Variants in MEP1A observed in about 807,000 individuals in gnomAD.
MEP1A encodes the protein N-benzoyl-L-tyrosyl-P-amino-benzoic acid hydrolase subunit alpha.
MEP1A carries 68 observed loss-of-function variants against 84.5 expected under a neutral mutation model. That is an observed-to-expected ratio of 0.80 (90% CI 0.66 to 0.98). MEP1A has a LOEUF of 0.98. Ranked by LOEUF, MEP1A falls within the 50% of genes least tolerant of loss-of-function variation. The pLI is 0.00. For synonymous variants in MEP1A, 337 were observed against 336.8 expected (o/e 1.00, Z -0.01); for missense variants, 887 against 919.9 (o/e 0.96, Z 0.46).
intron 6 of MEP1A, among the ~76,000 whole-genome samples, chr6:46,813,031 G>C (rs1398088899): frequency 6.6e-6 from 1 of 152,020 alleles, no homozygotes; most frequent in Non-Finnish European, 1.5e-5. Flanking sequence ...TTGACTTTCT[G>C]TCTTGATGAC....
Position 46,834,607 on chromosome 6 carries a change from C to G in MEP1A, c.1639C>G (p.Pro547Ala). The change falls in exon 12 of 14, where the codon CCG becomes GCG. Residue 547 changes from proline to alanine, a missense_variant. Coordinates refer to ENST00000230588, the MANE Select transcript of MEP1A (RefSeq NM_005588.3). The stretch of plus-strand genomic sequence containing the variant: ...AAATGACACTGTCATCTGGGACAGG[C>G]CGTCCAGGGTGGGAACCTATCATAC... ...AINDTVIWDR[P>A]SRVGTYHTDC... is the part of the protein sequence containing the mutation. 1.2e-6 allele frequency: 2 copies of G among 1,609,862 alleles called. No individual in the cohort carries two copies. Among genetic ancestry groups the G allele is most frequent in the Non-Finnish European group, 1.7e-6 (2 of 1,178,684 alleles).
chr6:46,814,251 T>G (rs956284425), intron 6 of MEP1A, among the ~76,000 whole-genome samples: 1 of 152,084 alleles, frequency 6.6e-6, no homozygotes, highest in South Asian at 2.1e-4. Flanking sequence ...TTAAAAAATT[T>G]TTTTGTTTGT....
chr6:46,835,423 G>T lies in MEP1A; in HGVS notation c.1958G>T (p.Arg653Leu), dbSNP rs369077709. The T allele has an allele frequency of 2.5e-6, 4 of 1,611,792 alleles. No homozygotes were observed. The African/African-American group carries it at 4.0e-5, about 16-fold the overall frequency. Residue 653 changes from arginine (R) to leucine (L), a missense_variant, in exon 13 of 14, where the codon CGG becomes CTG. Transcript: ENST00000230588. Reference sequence around the variant, plus strand: ...CAGGGGCAGCCCAGCCGACAGAAGCGGTCGGTGGAGAACACAGGCCCCCTG... The same window carrying T: ...CAGGGGCAGCCCAGCCGACAGAAGCTGTCGGTGGAGAACACAGGCCCCCTG... ...LSQGQPSRQK[R>L]SVENTGPLED... is the part of the protein sequence containing the mutation.
At chr6:46,815,002 GC>G (rs1767600556) in intron 6 of MEP1A, among the ~76,000 whole-genome samples, 1 of 152,194 alleles carries the variant, frequency 6.6e-6, no homozygotes, top group East Asian at 1.9e-4. Flanking sequence ...TGTTTAGTGT[GC>G]TGGTTTTGTG....
rs571493090 is a variant in MEP1A at position 46,808,685 on chromosome 6, G to A, written c.263-735G>A. On this transcript the variant is annotated intron_variant, in intron 5 of 13. Transcript: ENST00000230588. ...TGAAAGGAAAGGCATTTGATCTTTGGTCATTGGTCCCCACAGGTTACTAGT... is the reference window on the plus strand; with the variant it reads ...TGAAAGGAAAGGCATTTGATCTTTGATCATTGGTCCCCACAGGTTACTAGT... Among the ~76,000 whole-genome samples, 173 of 152,078 alleles carry A rather than the reference G, an allele frequency of 1.1e-3. 2 individuals are homozygous for A. Among genetic ancestry groups the A allele is most frequent in the African/African-American group, 3.8e-3 (157 of 41,524 alleles).
At chr6:46,841,430 A>C (rs1768329414), downstream of MEP1A, among the ~76,000 whole-genome samples, 1 of 152,194 alleles carries the variant, frequency 6.6e-6, no homozygotes. Flanking sequence ...TTCCAGGAGG[A>C]CTAGCAGATA....
rs537296989 is a variant in MEP1A at position 46,799,368 on chromosome 6, A to G, written c.262+187A>G. ...AAAGCATTGCTGCTTAACCAGTCTG[A>G]GATACACAGAATCCAAGAATAACTT... On this transcript the variant is annotated intron_variant, in intron 5 of 13. Transcript: ENST00000230588. Among the ~76,000 whole-genome samples the G allele has an allele frequency of 2.0e-5, 3 of 152,346 alleles. No homozygotes were observed. In the South Asian group the frequency reaches 6.2e-4, roughly 32 times the overall value.
intron 7 of MEP1A, among the ~76,000 whole-genome samples, chr6:46,821,159 G>A (rs2150750332): frequency 6.6e-6 from 1 of 152,206 alleles, no homozygotes; most frequent in Middle Eastern, 3.4e-3. Flanking sequence ...GGTAGAGAGG[G>A]CTAATCAAAA....
downstream of MEP1A, among the ~76,000 whole-genome samples, chr6:46,843,720 C>T (rs1463215644): frequency 2.0e-5 from 3 of 152,190 alleles, no homozygotes; most frequent in Admixed American, 2.0e-4. Flanking sequence ...CATTCACAAG[C>T]AAATTACAGA....
chr6:46,815,489 CA>C (rs1296640919), intron 6 of MEP1A, among the ~76,000 whole-genome samples: 1 of 152,152 alleles, frequency 6.6e-6, no homozygotes, highest in East Asian at 1.9e-4. Flanking sequence ...GTCTGGTGAC[CA>C]AGGTTGAGAA....
At chr6:46,802,302 G>A (rs1767213136) in intron 5 of MEP1A, among the ~76,000 whole-genome samples, 1 of 151,584 alleles carries the variant, frequency 6.6e-6, no homozygotes, top group South Asian at 2.1e-4. Context: ...TGTGTCTTTG[G>A]TAAATTCATT....
At chr6:46,825,771 A>G (rs1767928196) in intron 8 of MEP1A, among the ~76,000 whole-genome samples, 1 of 152,168 alleles carries the variant, frequency 6.6e-6, no homozygotes, top group Admixed American at 6.5e-5. Context: ...AAAACCAATT[A>G]TGTAGTTATG....
intron 5 of MEP1A, 91 bp downstream of exon 5, chr6:46,799,272 C>G: frequency 1.2e-6 from 1 of 841,406 alleles, no homozygotes. Context: ...GAGTAACCAC[C>G]ACGATCTAAG....
chr6:46,801,929 T>C lies in MEP1A; in HGVS notation c.262+2748T>C, dbSNP rs567398495. Among the ~76,000 whole-genome samples, 4 of 152,124 alleles carry C rather than the reference T, an allele frequency of 2.6e-5. No homozygotes were observed. The South Asian group carries it at 8.3e-4, about 31-fold the overall frequency. ...TGCCAAGACTCCTCATTTCTTGATC[T>C]GGTATCTCTGTTTTCCTATCTTATT... On this transcript the variant is annotated intron_variant, in intron 5 of 13. Coordinates refer to ENST00000230588, the MANE Select transcript of MEP1A (RefSeq NM_005588.3).
chr6:46,809,580 G>A (rs771735848), intron 6 of MEP1A, 43 bp downstream of exon 6: 1 of 1,340,766 alleles, frequency 7.5e-7, no homozygotes, highest in Non-Finnish European at 1.1e-6. Context: ...GCATACTTTG[G>A]TTCGTAAGAA....
At position 46,793,666 on chromosome 6, in the gene MEP1A, T is replaced by C. The variant is rs777418834; in HGVS notation, c.95T>C (p.Val32Ala). 71 of 1,609,696 alleles carry C rather than the reference T, an allele frequency of 4.4e-5. No homozygotes were observed. In the Middle Eastern group the frequency reaches 6.6e-4, roughly 15 times the overall value. Reference sequence around the variant, plus strand: ...TAATTTTTTTTCTCACTTTTAACAGTACATGATGCAGATTTTGGTGAACAG... The same window carrying C: ...TAATTTTTTTTCTCACTTTTAACAGCACATGATGCAGATTTTGGTGAACAG... Reference protein sequence around the residue: ...VPIKYLPEENVHDADFGEQKD... With the variant: ...VPIKYLPEENAHDADFGEQKD... The change falls in exon 3 of 14, where the codon GTA becomes GCA. Residue 32 changes from valine to alanine, a missense_variant and splice_region_variant. Transcript: ENST00000230588.
At chr6:46,841,217 A>C, downstream of MEP1A, among the ~76,000 whole-genome samples, 1 of 152,216 alleles carries the variant, frequency 6.6e-6, no homozygotes, top group East Asian at 1.9e-4. Context: ...GAGGTACCAG[A>C]ATGAGGGTAA....
In MEP1A at chr6:46,839,076, T is replaced by A. The variant is rs1198185130; in HGVS notation, c.2181T>A (p.Ala727=). ...TGGGCATGGTGATCGGAGGCACGGC[T>A]GGCGTGATCTTCTTGACCTTCTCCA... ...SVLGMVIGGT[A]GVIFLTFSII... Residue 727 remains alanine, a synonymous_variant, in exon 14 of 14, where the codon GCT becomes GCA. Transcript: ENST00000230588. The A allele has an allele frequency of 1.2e-6, 2 of 1,613,640 alleles. No homozygotes were observed. The highest frequency in any genetic ancestry group is 1.3e-5 in the African/African-American group (1 of 75,050).
At chr6:46,829,759 A>G (rs1768037224) in intron 10 of MEP1A, among the ~76,000 whole-genome samples, 188 bp downstream of exon 10, 1 of 152,106 alleles carries the variant, frequency 6.6e-6, no homozygotes, top group Non-Finnish European at 1.5e-5. Flanking sequence ...TGAATGTTTT[A>G]ACCACTGAGA....
Sources: allele counts gnomAD v4.1 joint callset (sites outside exome capture counted in the v4.1 genomes callset), GRCh38; gene constraint gnomAD v4.1.1; transcripts MANE v1.5; gene names NCBI Gene and HGNC (gene_info 2026-07-23, HGNC 2026-07-21).